TENM2: variants seen among roughly 807,000 people sequenced by gnomAD.
TENM2 encodes teneurin-2.
TENM2 carries 52 observed loss-of-function variants against 245.2 expected under a neutral mutation model. The ratio of observed to expected loss-of-function variants is 0.21; its 90% confidence interval spans 0.17 to 0.27. The LOEUF (loss-of-function observed/expected upper bound fraction) is 0.27. Among genes scored for constraint, TENM2 ranks in the 10% least tolerant of loss-of-function variants. The probability of loss-of-function intolerance (pLI) is 1.00; values close to 1 mark genes in which losing one functional copy is unlikely to be tolerated. For missense variants in TENM2, 3,046 were observed against 3,666.8 expected, an observed-to-expected ratio of 0.83 and a Z score of 4.37; for synonymous variants, 1,363 against 1,438.9, an observed-to-expected ratio of 0.95 and a Z score of 1.19.
the TENM2 span, among the ~76,000 whole-genome samples, chr5:167,102,950 A>G: frequency 6.6e-6 from 1 of 152,176 alleles, no homozygotes; most frequent in African/African-American, 2.4e-5. Flanking sequence ...ATGAGCCACC[A>G]TGCCTGGCTT....
chr5:167,800,618 G>T (rs908750003), intron 2 of TENM2, among the ~76,000 whole-genome samples: 1 of 152,180 alleles, frequency 6.6e-6, no homozygotes, highest in Non-Finnish European at 1.5e-5. Context: ...CTTGCAGCAT[G>T]CATAATCTGA....
At chr5:167,992,156 A>G (rs1275283700) in intron 4 of TENM2, among the ~76,000 whole-genome samples, 3 of 152,180 alleles carry the variant, frequency 2.0e-5, no homozygotes, top group Admixed American at 6.5e-5. Flanking sequence ...AAGACTACAT[A>G]TTAGGTATAG....
chr5:167,013,491 A>C, the TENM2 span, among the ~76,000 whole-genome samples: 1 of 152,088 alleles, frequency 6.6e-6, no homozygotes, highest in African/African-American at 2.4e-5. Flanking sequence ...AAAGCTGACC[A>C]CATTAATAAA....
At chr5:167,879,144 A>T (rs1420133510) in intron 3 of TENM2, among the ~76,000 whole-genome samples, 1 of 152,178 alleles carries the variant, frequency 6.6e-6, no homozygotes, top group African/African-American at 2.4e-5. Flanking sequence ...TTTTTCCCCA[A>T]CATGAAAAAC....
chr5:167,663,627 T>C lies in TENM2; in HGVS notation c.503-212359T>C, dbSNP rs967149355. Reference sequence around the variant, plus strand: ...ATTCAGATTACTGTCCCATCTTCTATACATTCTTTGCTATCTAGAATGTTA... The same window carrying C: ...ATTCAGATTACTGTCCCATCTTCTACACATTCTTTGCTATCTAGAATGTTA... On this transcript the variant is annotated intron_variant, in intron 2 of 28. Transcript: ENST00000518659. Among the ~76,000 whole-genome samples, 3 of 152,190 alleles carry C rather than the reference T, an allele frequency of 2.0e-5. No individual in the cohort carries two copies. The South Asian group carries it at 6.2e-4, about 32-fold the overall frequency.
intron 1 of TENM2, among the ~76,000 whole-genome samples, chr5:167,331,764 A>T (rs972926647): frequency 2.0e-5 from 3 of 152,204 alleles, no homozygotes; most frequent in African/African-American, 7.2e-5. Context: ...GCATATAATT[A>T]TCACAGAAGA....
Position 168,171,863 on chromosome 5 carries a change from C to T in TENM2, c.2569+9106C>T, listed in dbSNP as rs1427621617. ...GGTGGCAAGGAGGTGATATTGATAGCGTTATGTTGGCTTCCTGTATTTGTG... is the reference window on the plus strand; with the variant it reads ...GGTGGCAAGGAGGTGATATTGATAGTGTTATGTTGGCTTCCTGTATTTGTG... On this transcript the variant is annotated intron_variant, in intron 13 of 28. Coordinates refer to ENST00000518659, the Ensembl canonical transcript of TENM2. Among the ~76,000 whole-genome samples the T allele has an allele frequency of 3.9e-5, 6 of 152,302 alleles. No homozygotes were observed. In the East Asian group the frequency reaches 5.8e-4, roughly 15 times the overall value.
At chr5:167,398,067 C>G (rs1318247023) in intron 2 of TENM2, among the ~76,000 whole-genome samples, 1 of 152,106 alleles carries the variant, frequency 6.6e-6, no homozygotes, top group Non-Finnish European at 1.5e-5. Flanking sequence ...GATGTAATTT[C>G]TTGTCCTAGC....
At chr5:168,050,274 A>T (rs1358056108) in intron 6 of TENM2, among the ~76,000 whole-genome samples, 1 of 152,186 alleles carries the variant, frequency 6.6e-6, no homozygotes, top group Non-Finnish European at 1.5e-5. Context: ...AAAATGACTA[A>T]AATGTTTTCA....
At chr5:167,815,961 A>G (rs1428698433) in intron 2 of TENM2, among the ~76,000 whole-genome samples, 1 of 144,938 alleles carries the variant, frequency 6.9e-6, no homozygotes, top group Non-Finnish European at 1.5e-5. Context: ...CTTAAGTCCC[A>G]TTATGATCCT....
In TENM2 at chr5:168,124,789, G is replaced by C. The variant is rs1302373022; in HGVS notation, c.2009-61G>C. On this transcript the variant is annotated intron_variant, in intron 10 of 28. Coordinates refer to ENST00000518659, the Ensembl canonical transcript of TENM2. ...TTCAGCAGCAAGCCCATGTCTCATG[G>C]TCCATCCTCCATGGGTGATTAATAC... 3.4e-6 allele frequency: 5 copies of C among 1,486,100 alleles called. No individual in the cohort carries two copies. In the Admixed American group the frequency reaches 1.0e-4, roughly 30 times the overall value. The allele number at this position is 1,486,100 out of a possible 1,614,324, so 92.1% of individuals were successfully genotyped here.
rs1276757113 is a variant in TENM2 at position 167,818,377 on chromosome 5, G to T, written c.503-57609G>T. ...TCATGCATGTGTGAACCTCGTCAGT[G>T]TAAGTTTTGTGCCATTTAACTGATA... On this transcript the variant is annotated intron_variant, in intron 2 of 28. Coordinates refer to ENST00000518659, the Ensembl canonical transcript of TENM2. Among the ~76,000 whole-genome samples, 2 of 152,278 alleles carry T rather than the reference G, an allele frequency of 1.3e-5. 1 individual carries two copies. Among genetic ancestry groups the T allele is most frequent in the Middle Eastern group, 6.8e-3 (2 of 294 alleles).
At chr5:168,029,643 C>A (rs1441631764) in intron 5 of TENM2, among the ~76,000 whole-genome samples, 1 of 152,166 alleles carries the variant, frequency 6.6e-6, no homozygotes, top group African/African-American at 2.4e-5. Flanking sequence ...ACAGTCAGGG[C>A]TGACCAGAAC....
chr5:167,332,189 A>G (rs371013095), intron 1 of TENM2, among the ~76,000 whole-genome samples: 1 of 152,164 alleles, frequency 6.6e-6, no homozygotes, highest in African/African-American at 2.4e-5. Context: ...TTCTAGTCCA[A>G]AGTGTTGGGG....
chr5:167,234,523 G>A, the TENM2 span, among the ~76,000 whole-genome samples: 1 of 152,188 alleles, frequency 6.6e-6, no homozygotes, highest in Non-Finnish European at 1.5e-5. Flanking sequence ...AAAATCAACA[G>A]TAACCCATTT....
At chr5:167,962,818 C>T (rs1781114282) in intron 4 of TENM2, among the ~76,000 whole-genome samples, 1 of 152,130 alleles carries the variant, frequency 6.6e-6, no homozygotes, top group South Asian at 2.1e-4. Context: ...GATTAAGATA[C>T]CTCCCACTGG....
At chr5:167,849,365 T>G (rs1294833134) in intron 2 of TENM2, among the ~76,000 whole-genome samples, 2 of 152,228 alleles carry the variant, frequency 1.3e-5, no homozygotes, top group African/African-American at 4.8e-5. Context: ...CTCACACTTC[T>G]GACACTTTAT....
At chr5:168,118,243 T>C in intron 9 of TENM2, 49 bp from the exon 12 acceptor site, 1 of 1,431,294 alleles carries the variant, frequency 7.0e-7, no homozygotes, top group African/African-American at 1.4e-5. Context: ...CCATAGCCCC[T>C]CGGATGCTGG....
chr5:167,842,580 CAAAAAAAAAAAA>C (rs1160974467), intron 2 of TENM2, among the ~76,000 whole-genome samples: 44 of 45,326 alleles, frequency 9.7e-4, no homozygotes, highest in East Asian at 7.9e-3. Flanking sequence ...GACTCCATGT[CAAAAAAAAAAAA>C]AAAAAAAAAA....
Sources: allele counts gnomAD v4.1 joint callset (sites outside exome capture counted in the v4.1 genomes callset), GRCh38; gene constraint gnomAD v4.1.1; transcripts MANE v1.5; gene names NCBI Gene and HGNC (gene_info 2026-07-23, HGNC 2026-07-21).